Variants in RGL1 observed in about 807,000 individuals in gnomAD.
The protein encoded by RGL1 is ral guanine nucleotide dissociation stimulator-like 1.
RGL1 carries 24 observed loss-of-function variants against 95.2 expected under a neutral mutation model. The observed-to-expected ratio is 0.25, with a 90% confidence interval of 0.18 to 0.35. RGL1 has a LOEUF of 0.35. Ranked by LOEUF, RGL1 falls within the 10% of genes least tolerant of loss-of-function variation. The pLI is 1.00. For synonymous variants in RGL1, 329 were observed against 344.9 expected (o/e 0.95, Z 0.51); for missense variants, 715 against 936.3 (o/e 0.76, Z 3.08).
intron 2 of RGL1, among the ~76,000 whole-genome samples, chr1:183,766,767 G>A (rs1658987587): frequency 6.6e-6 from 1 of 151,320 alleles, no homozygotes; most frequent in Non-Finnish European, 1.5e-5. Context: ...ACCAATCCAA[G>A]TTTAAAAGGC....
At chr1:183,876,196 T>C (rs1453771478) in intron 4 of RGL1, among the ~76,000 whole-genome samples, 1 of 152,238 alleles carries the variant, frequency 6.6e-6, no homozygotes, top group Non-Finnish European at 1.5e-5. Context: ...TTTTTGTGAC[T>C]CTGGGAAATA....
rs147162035 is a variant in RGL1 at position 183,866,005 on chromosome 1, C to T, written c.357C>T (p.Asn119=). 206 of 1,613,616 alleles carry T rather than the reference C, an allele frequency of 1.3e-4. 1 individual carries two copies. The African/African-American group carries it at 2.0e-3, about 16-fold the overall frequency. ...ATTATTATCTCTACAGGTATGGAAACCTGACAAGCCCAAACTGTGAAGAAG... is the reference window on the plus strand; with the variant it reads ...ATTATTATCTCTACAGGTATGGAAATCTGACAAGCCCAAACTGTGAAGAAG... ...VLELLLDRYG[N]LTSPNCEEDG... Residue 119 remains asparagine, a synonymous_variant, in exon 4 of 18, where the codon AAC becomes AAT. Coordinates refer to ENST00000360851, the MANE Select transcript of RGL1 (RefSeq NM_001297671.3).
chr1:183,737,977 G>A (rs921698350), intron 1 of RGL1, among the ~76,000 whole-genome samples: 4 of 152,138 alleles, frequency 2.6e-5, no homozygotes, highest in African/African-American at 7.2e-5. Context: ...TAAGGCTTAC[G>A]ATATTTTAGA....
chr1:183,856,461 A>G (rs1240482442), intron 3 of RGL1, among the ~76,000 whole-genome samples: 4 of 151,950 alleles, frequency 2.6e-5, no homozygotes, highest in South Asian at 2.1e-4. Flanking sequence ...ACATTAATAA[A>G]TAACTCTTAG....
At chr1:183,680,427 T>C (rs1159304763) in intron 1 of RGL1, among the ~76,000 whole-genome samples, 2 of 152,240 alleles carry the variant, frequency 1.3e-5, no homozygotes, top group Non-Finnish European at 2.9e-5. Context: ...TTCAGTTTTC[T>C]ACATATGGCT....
At chr1:183,900,106 T>A in intron 10 of RGL1, 44 bp from the exon 11 acceptor site, 1 of 1,541,684 alleles carries the variant, frequency 6.5e-7, no homozygotes, top group Non-Finnish European at 9.0e-7. Context: ...ACCCCTCAAC[T>A]TTTCAATGAC....
At chr1:183,899,015 A>G (rs555334143) in intron 10 of RGL1, among the ~76,000 whole-genome samples, 36 of 152,326 alleles carry the variant, frequency 2.4e-4, no homozygotes, top group African/African-American at 8.2e-4. Flanking sequence ...GGCTTACTGA[A>G]GAAGAGAGAT....
chr1:183,702,651 A>T (rs1442141268), intron 1 of RGL1, among the ~76,000 whole-genome samples: 1 of 152,088 alleles, frequency 6.6e-6, no homozygotes, highest in Admixed American at 6.5e-5. Context: ...GGGATCCTAG[A>T]GCTAGTAGAT....
intron 14 of RGL1, among the ~76,000 whole-genome samples, chr1:183,908,839 C>T (rs1668489693): frequency 6.6e-6 from 1 of 152,210 alleles, no homozygotes; most frequent in Non-Finnish European, 1.5e-5. Context: ...GTCCTGCTAC[C>T]TCTATCCTCC....
chr1:183,765,525 GA>G (rs1406587502), intron 2 of RGL1, among the ~76,000 whole-genome samples: 1 of 152,220 alleles, frequency 6.6e-6, no homozygotes, highest in Non-Finnish European at 1.5e-5. Context: ...AAAGAGCCAT[GA>G]AAATTATTTC....
intron 2 of RGL1, among the ~76,000 whole-genome samples, chr1:183,762,108 A>G (rs1658697765): frequency 6.6e-6 from 1 of 152,216 alleles, no homozygotes; most frequent in Admixed American, 6.5e-5. Flanking sequence ...TTGCTTTATC[A>G]TTCATCTACT....
At chr1:183,845,840 A>G (rs1383555956) in intron 2 of RGL1, among the ~76,000 whole-genome samples, 1 of 152,238 alleles carries the variant, frequency 6.6e-6, no homozygotes, top group East Asian at 1.9e-4. Context: ...TTAAAATTTA[A>G]CAATCCTCTC....
intron 10 of RGL1, among the ~76,000 whole-genome samples, chr1:183,898,242 G>T (rs1171443144): frequency 6.6e-6 from 1 of 152,140 alleles, no homozygotes; most frequent in Non-Finnish European, 1.5e-5. Flanking sequence ...TTGGCCTGAG[G>T]GCCTCCTGAG....
intron 10 of RGL1, 36 bp from the exon 11 acceptor site, chr1:183,900,114 G>T: frequency 6.4e-7 from 1 of 1,561,452 alleles, no homozygotes; most frequent in South Asian, 1.1e-5. Context: ...ACTTTTCAAT[G>T]ACAATAAAGA....
intron 2 of RGL1, among the ~76,000 whole-genome samples, chr1:183,750,689 C>T (rs181049871): frequency 6.6e-6 from 1 of 152,320 alleles, no homozygotes; most frequent in Admixed American, 6.5e-5. Context: ...TCCTTATCTT[C>T]TTGGATTTAT....
chr1:183,897,787 G>A (rs1667787655), intron 9 of RGL1, 21 bp from the exon 10 acceptor site: 2 of 1,582,386 alleles, frequency 1.3e-6, no homozygotes, highest in Non-Finnish European at 1.7e-6. Context: ...AATTCCCTCT[G>A]TGTGCATTTC....
intron 1 of RGL1, among the ~76,000 whole-genome samples, chr1:183,740,438 A>T (rs988359994): frequency 6.6e-6 from 1 of 152,228 alleles, no homozygotes; most frequent in African/African-American, 2.4e-5. Flanking sequence ...CCCAGAGCAG[A>T]GAAGTAACTC....
chr1:183,735,421 T>G (rs1319992370), intron 1 of RGL1, among the ~76,000 whole-genome samples: 2 of 152,200 alleles, frequency 1.3e-5, no homozygotes, highest in Non-Finnish European at 2.9e-5. Flanking sequence ...TAAAAATCTA[T>G]TTTTTAAAAG....
chr1:183,867,750 A>G (rs1343483578), intron 4 of RGL1, among the ~76,000 whole-genome samples: 5 of 152,064 alleles, frequency 3.3e-5, no homozygotes, highest in Non-Finnish European at 2.9e-5. Flanking sequence ...TCCTGAGTAG[A>G]TGGAATGTGC....
Sources: gnomAD v4.1 joint callset for allele counts (sites outside exome capture counted in the v4.1 genomes callset) on GRCh38, gnomAD v4.1.1 for gene constraint, MANE v1.5 for transcripts, NCBI Gene and HGNC (gene_info 2026-07-23, HGNC 2026-07-21) for gene names.